The following NR1H4 variants were observed in gnomAD, a reference collection of about 807,000 sequenced individuals.
The protein encoded by NR1H4 is nuclear receptor subfamily 1 group H member 4, also known as bile acid receptor.
In NR1H4, 23 loss-of-function variants were observed where a neutral mutation model predicts 58.5. The ratio of observed to expected loss-of-function variants is 0.39; its 90% CI spans 0.28 to 0.56. NR1H4 has a LOEUF of 0.56. NR1H4 is among the 20% of genes least tolerant of loss of function. NR1H4 has a pLI of 0.58. For missense variants in NR1H4, 487 were observed against 576.9 expected (o/e 0.84, Z 1.60); for synonymous variants, 214 against 198.0 (o/e 1.08, Z -0.68).
intron 3 of NR1H4, among the ~76,000 whole-genome samples, chr12:100,499,507 G>A (rs993645132): frequency 7.9e-5 from 12 of 152,200 alleles, no homozygotes. Context: ...AAAGAAATGG[G>A]AGAAGGAAAG....
In NR1H4 at chr12:100,503,559, G is replaced by A. The variant is rs1220826583; in HGVS notation, c.80-7219G>A. Reference sequence around the variant, plus strand: ...TTGCAACTGGACTGAGGAAATCTGGGGACTTTGGTTGGAGATGACAGTAAC... The same window carrying A: ...TTGCAACTGGACTGAGGAAATCTGGAGACTTTGGTTGGAGATGACAGTAAC... On this transcript the variant is annotated intron_variant, in intron 3 of 10. Coordinates refer to ENST00000392986, the MANE Select transcript of NR1H4 (RefSeq NM_001206979.2). The A allele has an allele frequency of 3.4e-6, 5 of 1,453,586 alleles. No individual in the cohort carries two copies. The South Asian group carries it at 4.5e-5, about 13-fold the overall frequency. The allele number at this position is 1,453,586 out of a possible 1,614,324, so 90.0% of individuals were successfully genotyped here. A position where few individuals can be genotyped will look rare whatever the true frequency, so the allele number is the denominator to read the frequency against.
In NR1H4 at chr12:100,532,475, A is replaced by C. The variant is rs1233635818; in HGVS notation, c.463A>C (p.Ile155Leu). Reference sequence around the variant, plus strand: ...TCCCACAGGTTTCTTCAGGAGAAGCATTACCAAAAACGCTGTGTACAAGTG... The same window carrying C: ...TCCCACAGGTTTCTTCAGGAGAAGCCTTACCAAAAACGCTGTGTACAAGTG... ...EGCKGFFRRS[I>L]TKNAVYKCKN... The change falls in exon 5 of 11, where the codon ATT becomes CTT. Residue 155 changes from isoleucine (I) to leucine (L), a missense_variant. Transcript: ENST00000392986. 10 of 1,614,040 alleles carry C rather than the reference A, an allele frequency of 6.2e-6. No homozygotes were observed. The highest frequency in any genetic ancestry group is 4.5e-5 in the East Asian group (2 of 44,896).
At chr12:100,525,491 T>C (rs1277839428) in intron 4 of NR1H4, 1 of 152,058 alleles carries the variant, frequency 6.6e-6, no homozygotes, top group Non-Finnish European at 1.5e-5. Flanking sequence ...AAAATCCACC[T>C]GATGACCTAA....
chr12:100,485,464 C>A (rs565696905), intron 1 of NR1H4, among the ~76,000 whole-genome samples: 4 of 152,280 alleles, frequency 2.6e-5, no homozygotes, highest in East Asian at 1.9e-4. Flanking sequence ...CAACCTGATT[C>A]TTTTGCTCAA....
intron 6 of NR1H4, 27 bp from the exon 7 acceptor site, chr12:100,536,485 A>G: frequency 7.4e-7 from 1 of 1,355,262 alleles, no homozygotes; most frequent in East Asian, 2.3e-5. Context: ...ATCTTCCCTA[A>G]CACCTTTTAT....
At chr12:100,556,620 G>T (rs1383908796) in intron 9 of NR1H4, among the ~76,000 whole-genome samples, 2 of 152,138 alleles carry the variant, frequency 1.3e-5, no homozygotes, top group Non-Finnish European at 2.9e-5. Flanking sequence ...CTGCCTGAGA[G>T]GCCTGTCTCG....
intron 1 of NR1H4, among the ~76,000 whole-genome samples, chr12:100,480,232 T>C (rs1040448251): frequency 6.6e-6 from 1 of 152,220 alleles, no homozygotes; most frequent in African/African-American, 2.4e-5. Flanking sequence ...ATTGGGTTTT[T>C]CTTGCCTGAC....
Position 100,545,661 on chromosome 12 carries a change from A to C in NR1H4, c.1078+4843A>C, listed in dbSNP as rs1004338745. Among the ~76,000 whole-genome samples, 32 of 147,868 alleles carry C rather than the reference A, an allele frequency of 2.2e-4. 5 individuals are homozygous for C. The highest frequency in any genetic ancestry group is 3.6e-4 in the Non-Finnish European group (24 of 67,384). On this transcript the variant is annotated intron_variant, in intron 9 of 10. Transcript: ENST00000392986. ...TGTCTCAAAAAAAAAAAAAAAAAAA[A>C]AAAAAAAACCAAACGGGGGGCATAT...
rs1027933743 is a variant in NR1H4 at position 100,563,704 on chromosome 12, A to G, written c.*215A>G. Reference sequence around the variant, plus strand: ...TTTAAAAGGCTCCAGGGAATCCTGCATTCTAATTGGCAAGCCCTGTTTGCC... The same window carrying G: ...TTTAAAAGGCTCCAGGGAATCCTGCGTTCTAATTGGCAAGCCCTGTTTGCC... On this transcript the variant is annotated 3_prime_UTR_variant, in exon 11 of 11. Coordinates refer to ENST00000392986, the MANE Select transcript of NR1H4 (RefSeq NM_001206979.2). The G allele has an allele frequency of 3.6e-6, 2 of 555,860 alleles. No individual in the cohort carries two copies. Among genetic ancestry groups the G allele is most frequent in the Non-Finnish European group, 6.4e-6 (2 of 314,860 alleles). 34.4% of individuals were successfully genotyped at this position (555,860 alleles called of 1,614,324 possible).
rs1953216852 is a variant in NR1H4 at position 100,474,040 on chromosome 12, T to A, written c.-209T>A. On this transcript the variant is annotated 5_prime_UTR_variant, in exon 1 of 11. Coordinates refer to ENST00000392986, the MANE Select transcript of NR1H4 (RefSeq NM_001206979.2). Reference sequence around the variant, plus strand: ...CCTCCCAGGGCCTTGAAAGTCCATCTCTGACCCAAAACAATCCAAGTAAGT... The same window carrying A: ...CCTCCCAGGGCCTTGAAAGTCCATCACTGACCCAAAACAATCCAAGTAAGT... The A allele has an allele frequency of 6.6e-6, 1 of 152,182 alleles. No homozygotes were observed. The highest frequency in any genetic ancestry group is 2.4e-5 in the African/African-American group (1 of 41,434). 9.4% of individuals were successfully genotyped at this position (152,182 alleles called of 1,614,324 possible). A position where few individuals can be genotyped will look rare whatever the true frequency, so the allele number is the denominator to read the frequency against.
chr12:100,497,490 G>A (rs1390787487), intron 3 of NR1H4, among the ~76,000 whole-genome samples: 1 of 152,168 alleles, frequency 6.6e-6, no homozygotes, highest in Non-Finnish European at 1.5e-5. Flanking sequence ...TCAGAGAGAT[G>A]GGGGTTGGAA....
At chr12:100,490,336 C>T (rs1162118378) in intron 1 of NR1H4, among the ~76,000 whole-genome samples, 1 of 152,052 alleles carries the variant, frequency 6.6e-6, no homozygotes, top group Non-Finnish European at 1.5e-5. Flanking sequence ...CTGAACATGG[C>T]TCAAGGTTAA....
chr12:100,559,740 C>T (rs535076934), intron 9 of NR1H4, among the ~76,000 whole-genome samples: 82 of 152,360 alleles, frequency 5.4e-4, no homozygotes, highest in African/African-American at 1.9e-3. Context: ...CCAGTCCCAT[C>T]GACCACCCAA....
chr12:100,524,293 A>C (rs532325011), intron 4 of NR1H4, among the ~76,000 whole-genome samples: 1 of 152,358 alleles, frequency 6.6e-6, no homozygotes, highest in African/African-American at 2.4e-5. Context: ...CCCACAGAGC[A>C]AACGAATTCA....
At chr12:100,536,250 C>A (rs1209080991) in intron 6 of NR1H4, among the ~76,000 whole-genome samples, 4 of 152,120 alleles carry the variant, frequency 2.6e-5, no homozygotes, top group African/African-American at 9.7e-5. Context: ...TCCAGACTAC[C>A]ATTTATTCCT....
intron 4 of NR1H4, among the ~76,000 whole-genome samples, chr12:100,518,951 C>G (rs1267898143): frequency 6.6e-6 from 1 of 152,018 alleles, no homozygotes; most frequent in Admixed American, 6.6e-5. Context: ...CCATGCCCAG[C>G]TAATTTTTGT....
chr12:100,541,425 G>A (rs1954932460), intron 9 of NR1H4, among the ~76,000 whole-genome samples: 1 of 151,752 alleles, frequency 6.6e-6, no homozygotes, highest in South Asian at 2.1e-4. Context: ...AGGATTATAG[G>A]CATGTACTAC....
At chr12:100,538,687 A>T (rs1207662365) in intron 8 of NR1H4, among the ~76,000 whole-genome samples, 1 of 152,250 alleles carries the variant, frequency 6.6e-6, no homozygotes, top group East Asian at 1.9e-4. Context: ...ATATTAAATT[A>T]TAGAAGATAA....
intron 1 of NR1H4, among the ~76,000 whole-genome samples, chr12:100,490,611 A>G (rs12304419): frequency 0.092 from 14,027 of 152,132 alleles, 1,579 homozygotes; most frequent in African/African-American, 0.26. Flanking sequence ...GGAGTGGGGT[A>G]TTTAAGCCCA....
Sources: gnomAD v4.1 joint callset for allele counts (sites outside exome capture counted in the v4.1 genomes callset) on GRCh38, gnomAD v4.1.1 for gene constraint, MANE v1.5 for transcripts, NCBI Gene and HGNC (gene_info 2026-07-23, HGNC 2026-07-21) for gene names.